Variants in CYP2D6 observed in about 807,000 individuals in gnomAD.
The protein encoded by CYP2D6 is cytochrome P450 2D6.
CYP2D6 carries 51 observed loss-of-function variants against 43.5 expected under a neutral mutation model. That is an observed-to-expected ratio of 1.17 (90% CI 0.94 to 1.48). The LOEUF (loss-of-function observed/expected upper bound fraction) is 1.48. Ranked by LOEUF, CYP2D6 falls within the 40% of genes most tolerant of loss-of-function variation. The pLI, the probability that CYP2D6 is intolerant of heterozygous loss-of-function variation, is 0.00. For missense variants in CYP2D6, 698 were observed against 688.0 expected, an observed-to-expected ratio of 1.01 and a Z score of -0.16; for synonymous variants, 346 against 297.1, an observed-to-expected ratio of 1.16 and a Z score of -1.69.
Position 42,127,959 on chromosome 22 carries a change from A to T in CYP2D6, c.868T>A (p.Phe290Ile), listed in dbSNP as rs139519709. The change falls in exon 6 of 9, where the codon TTC (phenylalanine) becomes ATC (isoleucine). Residue 290 changes from phenylalanine (F) to isoleucine (I), a missense_variant. Physicochemically the swap from Phe to Ile is conservative, Grantham distance 21 (BLOSUM62 0). This residue lies in a region of CYP2D6 where 588 missense variants were observed against 521.1 expected (regional missense o/e 1.13). Transcript: ENST00000645361. ...EKAKGNPESSFNDENLRIVVA... is the reference protein window; with the variant it reads ...EKAKGNPESSINDENLRIVVA... The stretch of plus-strand genomic sequence containing the variant: ...ACTATGCGCAGGTTCTCATCATTGA[A>T]GCTGCTCTCAGGGTTCCCCTTGGCC... 5 of 1,611,268 alleles carry T rather than the reference A, an allele frequency of 3.1e-6. 1 individual carries two copies. Among genetic ancestry groups the T allele is most frequent in the Non-Finnish European group, 4.2e-6 (5 of 1,178,336 alleles).
chr22:42,129,303 T>A, intron 2 of CYP2D6, 118 bp from the exon 3 acceptor site: 1 of 1,310,762 alleles, frequency 7.6e-7, no homozygotes, highest in Non-Finnish European at 1.1e-6. Flanking sequence ...GTCCAGCTGG[T>A]CACAGGGCCC....
At chr22:42,129,419 C>G (rs1356205172) in intron 2 of CYP2D6, 3 of 770,424 alleles carry the variant, frequency 3.9e-6, no homozygotes, top group South Asian at 1.5e-5. Flanking sequence ...CCCGCGGGCC[C>G]CGCGCCACCC....
At position 42,127,522 on chromosome 22, in the gene CYP2D6, A is replaced by C. The variant is rs1474709775; in HGVS notation, c.1098T>G (p.Phe366Leu). 2 of 1,612,012 alleles carry C rather than the reference A, an allele frequency of 1.2e-6. No homozygotes were observed. The highest frequency in any genetic ancestry group is 1.1e-5 in the South Asian group (1 of 90,962). ...TTAVIHEVQR[F>L]GDIVPLGVTH... The stretch of plus-strand genomic sequence containing the variant: ...TCACACCCAGGGGGACGATGTCCCC[A>C]AAGCGCTGCACCTCATGAATCACGG... The change falls in exon 7 of 9, where the codon TTT becomes TTG. Residue 366 changes from phenylalanine (F) to leucine (L), a missense_variant. Physicochemically the swap from Phe to Leu is conservative, Grantham distance 22. Coordinates refer to ENST00000645361, the MANE Select transcript of CYP2D6 (RefSeq NM_000106.6).
intron 2 of CYP2D6, chr22:42,129,521 C>G: frequency 1.3e-6 from 1 of 750,830 alleles, no homozygotes; most frequent in South Asian, 1.6e-5. Context: ...CATTGGGCTC[C>G]TGCCAGGTCT....
chr22:42,127,965 T>C lies in CYP2D6; in HGVS notation c.862A>G (p.Ser288Gly), dbSNP rs1406642817. 6.2e-7 allele frequency: 1 copy of C among 1,611,390 alleles called. No individual in the cohort carries two copies. The highest frequency in any genetic ancestry group is 8.5e-7 in the Non-Finnish European group (1 of 1,178,340). ...CGCAGGTTCTCATCATTGAAGCTGC[T>C]CTCAGGGTTCCCCTTGGCCTGAGCA... ...EMEKAKGNPESSFNDENLRIV... is the reference protein window; with the variant it reads ...EMEKAKGNPEGSFNDENLRIV... The change falls in exon 6 of 9, where the codon AGC becomes GGC. Residue 288 changes from serine to glycine, a missense_variant. Coordinates refer to ENST00000645361, the MANE Select transcript of CYP2D6 (RefSeq NM_000106.6).
chr22:42,128,072 G>C (rs934471658), intron 5 of CYP2D6, 89 bp from the exon 6 acceptor site: 4 of 1,590,506 alleles, frequency 2.5e-6, no homozygotes, highest in African/African-American at 1.4e-5. Context: ...GATGCGGCTC[G>C]CCGGGTGATG....
At position 42,126,734 on chromosome 22, in the gene CYP2D6, C is replaced by G; in HGVS notation, c.1334G>C (p.Gly445Ala). The change falls in exon 9 of 9, where the codon GGG becomes GCG. Residue 445 changes from glycine (G) to alanine (A), a missense_variant. By Grantham distance (60) the Gly-to-Ala change is moderately conservative. This residue lies in a region of CYP2D6 where 85 missense variants were observed against 81.2 expected (regional missense o/e 1.05). Transcript: ENST00000645361. ...GAGCTCCATGCGGGCCAGGGGCTCC[C>G]CGAGGCATGCACGGCGGCCTGTGGG... The part of the protein sequence containing the change: ...PFSAGRRACL[G>A]EPLARMELFL... The G allele has an allele frequency of 6.4e-7, 1 of 1,556,922 alleles. No homozygotes were observed. Among genetic ancestry groups the G allele is most frequent in the Non-Finnish European group, 8.7e-7 (1 of 1,151,110 alleles).
At chr22:42,130,448 C>T (rs1931910366) in intron 1 of CYP2D6, 164 bp downstream of exon 1, 1 of 843,128 alleles carries the variant, frequency 1.2e-6, no homozygotes, top group South Asian at 1.5e-5. Flanking sequence ...AAAATCCAGT[C>T]CTTCATGCCA....
rs558485917 is a variant in CYP2D6 at position 42,128,067 on chromosome 22, G to A, written c.844-84C>T. 74 of 1,595,920 alleles carry A rather than the reference G, an allele frequency of 4.6e-5. 1 individual carries two copies. The South Asian group carries it at 5.9e-4, about 13-fold the overall frequency. On this transcript the variant is annotated intron_variant, in intron 5 of 8. Transcript: ENST00000645361. ...ATTCTGCACCTGTCAGCCCAGATGC[G>A]GCTCGCCGGGTGATGCACTGGTCCA...
In CYP2D6 at chr22:42,128,252, T is replaced by C. The variant is rs767062512; in HGVS notation, c.765A>G (p.Leu255=). 2 of 1,610,370 alleles carry C rather than the reference T, an allele frequency of 1.2e-6. No individual in the cohort carries two copies. The highest frequency in any genetic ancestry group is 2.2e-5 in the South Asian group (2 of 90,816). ...KAFLTQLDEL[L]TEHRMTWDPA... ...GGTCCCAGGTCATCCTGTGCTCAGT[T>C]AGCAGCTCATCCAGCTGGGTCAGGA... The change falls in exon 5 of 9, where the codon CTA becomes CTG. Residue 255 remains leucine (L), a synonymous_variant. Transcript: ENST00000645361.
Position 42,126,654 on chromosome 22 carries a change from G to C in CYP2D6, c.1414C>G (p.Gln472Glu). 1 of 1,609,340 alleles carries C rather than the reference G, an allele frequency of 6.2e-7. No homozygotes were observed. Among genetic ancestry groups the C allele is most frequent in the Non-Finnish European group, 8.5e-7 (1 of 1,177,756 alleles). ...ACACCATGGTGGCTGGGCCGGGGCT[G>C]TCCAGTGGGCACCGAGAAGCTGAAG... ...QHFSFSVPTGQPRPSHHGVFA... is the reference protein window; with the variant it reads ...QHFSFSVPTGEPRPSHHGVFA... The change falls in exon 9 of 9, where the codon CAG (glutamine) becomes GAG (glutamate). Residue 472 changes from glutamine to glutamate, a missense_variant. Gln to Glu is a conservative substitution (Grantham distance 29). This residue lies in a region of CYP2D6 where 85 missense variants were observed against 81.2 expected (regional missense o/e 1.05). Coordinates refer to ENST00000645361, the MANE Select transcript of CYP2D6 (RefSeq NM_000106.6).
chr22:42,127,052 C>A (rs1427988577), intron 7 of CYP2D6, 60 bp from the exon 8 acceptor site: 1 of 1,542,528 alleles, frequency 6.5e-7, no homozygotes, highest in Non-Finnish European at 8.8e-7. Context: ...GGACCCCTGC[C>A]ACCAAACACA....
At position 42,129,470 on chromosome 22, in the gene CYP2D6, T is replaced by C. The variant is rs1220694937; in HGVS notation, c.352+268A>G. The C allele has an allele frequency of 1.5e-5, 11 of 726,098 alleles. 1 individual carries two copies. Among genetic ancestry groups the C allele is most frequent in the Non-Finnish European group, 2.6e-5 (11 of 418,442 alleles). The allele number at this position is 726,098 out of a possible 1,614,324, so 45.0% of individuals were successfully genotyped here. A position where few individuals can be genotyped will look rare whatever the true frequency, so the allele number is the denominator to read the frequency against. ...CACAGGTGCGGTCCCCGCCCCCCAC[T>C]TCGACACCGGATTCCAGCTGGGAAA... is the stretch of plus-strand genomic sequence containing the variant. On this transcript the variant is annotated intron_variant, in intron 2 of 8. Transcript: ENST00000645361.
chr22:42,127,501 A>G lies in CYP2D6; in HGVS notation c.1119T>C (p.Gly373=), dbSNP rs1931115448. Residue 373 remains glycine (G), a synonymous_variant, in exon 7 of 9, where the codon GGT becomes GGC. Transcript: ENST00000645361. ...TGTCACGGGATGTCATATGGGTCACACCCAGGGGGACGATGTCCCCAAAGC... is the reference window on the plus strand; with the variant it reads ...TGTCACGGGATGTCATATGGGTCACGCCCAGGGGGACGATGTCCCCAAAGC... ...VQRFGDIVPL[G]VTHMTSRDIE... 6.2e-7 allele frequency: 1 copy of G among 1,611,516 alleles called. No homozygotes were observed. Among genetic ancestry groups the G allele is most frequent in the African/African-American group, 1.3e-5 (1 of 74,542 alleles).
Position 42,129,906 on chromosome 22 carries a change from G to C in CYP2D6, c.184C>G (p.Arg62Gly), listed in dbSNP as rs267608311. The C allele has an allele frequency of 6.4e-7, 1 of 1,559,994 alleles. No homozygotes were observed. The highest frequency in any genetic ancestry group is 8.7e-7 in the Non-Finnish European group (1 of 1,153,406). Residue 62 changes from arginine to glycine, a missense_variant, in exon 2 of 9, where the codon CGG becomes GGG. By Grantham distance (125) the Arg-to-Gly change is moderately radical (BLOSUM62 -2). This residue lies in a region of CYP2D6 where 588 missense variants were observed against 521.1 expected (regional missense o/e 1.13). Transcript: ENST00000645361. ...CTGAACACGTCCCCGAAGCGGCGCC[G>C]CAACTGCAGAGGGAGGGTCAGGGCC... ...QNTPYCFDQL[R>G]RRFGDVFSLQ... is the part of the protein sequence containing the mutation.
At position 42,129,802 on chromosome 22, in the gene CYP2D6, C is replaced by G. The variant is rs776951365; in HGVS notation, c.288G>C (p.Glu96Asp). 1 of 1,606,502 alleles carries G rather than the reference C, an allele frequency of 6.2e-7. No homozygotes were observed. Among genetic ancestry groups the G allele is most frequent in the South Asian group, 1.1e-5 (1 of 90,792 alleles). ...GCACAGGCGGGCGGTCGGCGGTGTC[C>G]TCGCCGTGGGTCACCAGCGCCTCGC... ...AVREALVTHG[E>D]DTADRPPVPI... Residue 96 changes from glutamate (E) to aspartate (D), a missense_variant, in exon 2 of 9, where the codon GAG becomes GAC. Transcript: ENST00000645361.
intron 2 of CYP2D6, 113 bp downstream of exon 2, chr22:42,129,625 C>T: frequency 2.8e-6 from 4 of 1,425,194 alleles, no homozygotes; most frequent in South Asian, 1.2e-5. Flanking sequence ...GCTGTCCCCA[C>T]TCGCTGGCCT....
Position 42,128,925 on chromosome 22 carries a change from G to A in CYP2D6, c.525C>T (p.Asn175=), listed in dbSNP as rs376162737. The A allele has an allele frequency of 2.4e-5, 38 of 1,591,538 alleles. No individual in the cohort carries two copies. The highest frequency in any genetic ancestry group is 1.4e-4 in the African/African-American group (10 of 73,544). ...TGCTCACGGCTTTGTCCAAGAGACCGTTGGGGCGAAAGGGGCGTCCTGGGG... is the reference window on the plus strand; with the variant it reads ...TGCTCACGGCTTTGTCCAAGAGACCATTGGGGCGAAAGGGGCGTCCTGGGG... ...ANHSGRPFRP[N]GLLDKAVSNV... is the part of the protein sequence containing the mutation. The change falls in exon 4 of 9, where the codon AAC becomes AAT. Residue 175 remains asparagine, a synonymous_variant. Transcript: ENST00000645361.
At chr22:42,129,273 C>A in intron 2 of CYP2D6, 88 bp from the exon 3 acceptor site, 1 of 1,484,234 alleles carries the variant, frequency 6.7e-7, no homozygotes, top group Non-Finnish European at 9.2e-7. Context: ...TCCCCCTGGT[C>A]TCCCGCAGTC....
Sources: allele counts gnomAD v4.1 joint callset, GRCh38; gene constraint gnomAD v4.1.1; regional missense constraint gnomAD v4.1.1; transcripts MANE v1.5; gene names NCBI Gene and HGNC (gene_info 2026-07-23, HGNC 2026-07-21).